The following SYTL3 variants were observed in gnomAD, a reference collection of about 807,000 sequenced individuals.
SYTL3 encodes synaptotagmin-like protein 3.
Under a neutral mutation model 82.1 loss-of-function variants are expected in SYTL3, and 88 were observed. The ratio of observed to expected loss-of-function variants is 1.07; its 90% confidence interval spans 0.90 to 1.28. The LOEUF (loss-of-function observed/expected upper bound fraction) is 1.28, where lower values mean the gene tolerates loss of function less well. SYTL3 is among the 50% of genes most tolerant of loss of function. SYTL3 has a pLI of 0.00. For missense variants in SYTL3, 831 were observed against 757.6 expected (o/e 1.10, Z -1.14); for synonymous variants, 311 against 289.4 (o/e 1.07, Z -0.76).
upstream of SYTL3, among the ~76,000 whole-genome samples, chr6:158,648,414 A>T (rs1787630857): frequency 6.6e-6 from 1 of 151,410 alleles, no homozygotes; most frequent in Non-Finnish European, 1.5e-5. Context: ...ACACGGTGAA[A>T]CCCTGTATCT....
At chr6:158,685,773 A>G (rs1216015935) in intron 6 of SYTL3, among the ~76,000 whole-genome samples, 1 of 152,168 alleles carries the variant, frequency 6.6e-6, no homozygotes, top group Non-Finnish European at 1.5e-5. Context: ...AGCCGAGATC[A>G]TGCCATGGCA....
At chr6:158,678,497 G>A (rs1480022557) in intron 5 of SYTL3, among the ~76,000 whole-genome samples, 3 of 152,190 alleles carry the variant, frequency 2.0e-5, no homozygotes, top group Admixed American at 6.5e-5. Context: ...TGTTAGTAAT[G>A]AGGTCAAAAT....
At chr6:158,708,568 TTC>T (rs760987059) in intron 8 of SYTL3, among the ~76,000 whole-genome samples, 177 bp downstream of exon 8, 30 of 152,166 alleles carry the variant, frequency 2.0e-4, no homozygotes, top group Non-Finnish European at 3.7e-4. Context: ...TGGGCAGAGC[TTC>T]TCTCCTCATT....
intron 11 of SYTL3, among the ~76,000 whole-genome samples, chr6:158,742,222 A>G (rs566718029): frequency 1.3e-5 from 2 of 152,260 alleles, no homozygotes; most frequent in Non-Finnish European, 2.9e-5. Flanking sequence ...ATGATGTATA[A>G]CATAACCACA....
At chr6:158,732,707 G>T (rs1228830843) in intron 11 of SYTL3, among the ~76,000 whole-genome samples, 1 of 152,148 alleles carries the variant, frequency 6.6e-6, no homozygotes, top group Non-Finnish European at 1.5e-5. Flanking sequence ...GACTTAATAG[G>T]ATGCAGTAAC....
intron 6 of SYTL3, among the ~76,000 whole-genome samples, chr6:158,691,486 ATC>A (rs1264366386): frequency 6.6e-6 from 1 of 152,128 alleles, no homozygotes; most frequent in Admixed American, 6.5e-5. Context: ...CTGAAAATTC[ATC>A]TCTCCTCTTT....
chr6:158,719,830 C>T (rs866017382), intron 10 of SYTL3, among the ~76,000 whole-genome samples: 1 of 152,220 alleles, frequency 6.6e-6, no homozygotes, highest in South Asian at 2.1e-4. Context: ...TGGCTCATGC[C>T]GGTAATCCCA....
At chr6:158,686,662 G>T (rs1292764243) in intron 6 of SYTL3, among the ~76,000 whole-genome samples, 1 of 152,202 alleles carries the variant, frequency 6.6e-6, no homozygotes, top group Non-Finnish European at 1.5e-5. Context: ...AATTTGTGCT[G>T]CAGCAGTTAA....
intron 2 of SYTL3, among the ~76,000 whole-genome samples, chr6:158,657,221 T>G (rs1435853463): frequency 6.6e-6 from 1 of 150,444 alleles, no homozygotes; most frequent in African/African-American, 2.4e-5. Flanking sequence ...AGGTCAGGAG[T>G]TCAAGACCAG....
chr6:158,650,229 T>C (rs930562773), intron 1 of SYTL3, among the ~76,000 whole-genome samples, 151 bp downstream of exon 1: 8 of 152,178 alleles, frequency 5.3e-5, no homozygotes, highest in African/African-American at 1.7e-4. Context: ...ATAAAAGATA[T>C]CTTGTAATTT....
At chr6:158,745,765 A>T (rs1432103662) in intron 12 of SYTL3, 107 bp downstream of exon 12, 14 of 926,856 alleles carry the variant, frequency 1.5e-5, no homozygotes, top group Non-Finnish European at 2.0e-5. Context: ...AAAAAAACAA[A>T]ATGAAAAGGC....
chr6:158,698,264 G>A (rs147872947), intron 6 of SYTL3, among the ~76,000 whole-genome samples: 2 of 152,168 alleles, frequency 1.3e-5, no homozygotes, highest in African/African-American at 4.8e-5. Context: ...AGACGTGGTG[G>A]TGGGTACCTG....
chr6:158,697,082 A>G (rs541844622), intron 6 of SYTL3, among the ~76,000 whole-genome samples: 31 of 151,718 alleles, frequency 2.0e-4, no homozygotes, highest in African/African-American at 7.2e-4. Flanking sequence ...ACCTAACAAC[A>G]TATATAAAAA....
intron 9 of SYTL3, among the ~76,000 whole-genome samples, chr6:158,716,538 A>G (rs1427735614): frequency 1.3e-5 from 2 of 152,178 alleles, no homozygotes; most frequent in Non-Finnish European, 1.5e-5. Flanking sequence ...GGCCTTAGAA[A>G]GATCCCCCAG....
At chr6:158,715,620 C>CGCAT (rs1783296581) in intron 9 of SYTL3, among the ~76,000 whole-genome samples, 2 of 138,198 alleles carry the variant, frequency 1.4e-5, no homozygotes, top group African/African-American at 5.6e-5. Flanking sequence ...CACACACGCA[C>CGCAT]GCACCCAGCA....
intron 10 of SYTL3, 101 bp from the exon 11 acceptor site, chr6:158,725,402 T>C: frequency 7.4e-7 from 1 of 1,351,826 alleles, no homozygotes; most frequent in Non-Finnish European, 1.0e-6. Flanking sequence ...GTTTGCATGT[T>C]AGTAACATCA....
intron 6 of SYTL3, among the ~76,000 whole-genome samples, chr6:158,698,497 T>C (rs573745931): frequency 1.5e-4 from 23 of 152,192 alleles, no homozygotes; most frequent in Non-Finnish European, 2.9e-4. Context: ...GGTCAAACTT[T>C]TAGAGAGATT....
At chr6:158,732,968 A>G (rs1004909181) in intron 11 of SYTL3, among the ~76,000 whole-genome samples, 5 of 150,478 alleles carry the variant, frequency 3.3e-5, no homozygotes, top group African/African-American at 1.2e-4. Context: ...AAAAAAAAAA[A>G]CACTGTAAAA....
At chr6:158,737,026 A>T (rs1203484937) in intron 11 of SYTL3, among the ~76,000 whole-genome samples, 2 of 143,930 alleles carry the variant, frequency 1.4e-5, no homozygotes, top group Non-Finnish European at 1.5e-5. Flanking sequence ...CTCTTTTGTT[A>T]TACATTTCAT....
Sources: gnomAD v4.1 joint callset for allele counts (sites outside exome capture counted in the v4.1 genomes callset) on GRCh38, gnomAD v4.1.1 for gene constraint, MANE v1.5 for transcripts, NCBI Gene and HGNC (gene_info 2026-07-23, HGNC 2026-07-21) for gene names.